CPSF3: variants seen among roughly 807,000 people sequenced by gnomAD.
CPSF3 encodes cleavage and polyadenylation specific factor 3.
Under a neutral mutation model 84.1 loss-of-function variants are expected in CPSF3, and 57 were observed. The observed-to-expected ratio is 0.68, with a 90% CI of 0.55 to 0.85. The LOEUF (loss-of-function observed/expected upper bound fraction) is 0.85. Among genes scored for constraint, CPSF3 ranks in the 40% least tolerant of loss-of-function variants. The probability of loss-of-function intolerance (pLI) is 0.00; values close to 1 mark genes in which losing one functional copy is unlikely to be tolerated. For synonymous variants in CPSF3, 275 were observed against 278.1 expected, an observed-to-expected ratio of 0.99 and a Z score of 0.11; for missense variants, 522 against 838.8, an observed-to-expected ratio of 0.62 and a Z score of 4.66.
chr2:9,431,585 A>G (rs1029361765), intron 4 of CPSF3, among the ~76,000 whole-genome samples: 6 of 119,602 alleles, frequency 5.0e-5, no homozygotes, highest in African/African-American at 2.1e-4. Flanking sequence ...TGTGCTGTTG[A>G]CCAGGCTGGA....
intron 15 of CPSF3, among the ~76,000 whole-genome samples, chr2:9,464,767 A>AT (rs1370959858): frequency 2.6e-5 from 4 of 151,604 alleles, no homozygotes; most frequent in Admixed American, 6.6e-5. Flanking sequence ...TAATTTTTCT[A>AT]TTTTTATAGA....
rs536203172 is a variant in CPSF3 at position 9,436,717 on chromosome 2, G to T, written c.760+356G>T. Among the ~76,000 whole-genome samples, 23 of 151,488 alleles carry T rather than the reference G, an allele frequency of 1.5e-4. No homozygotes were observed. In the East Asian group the frequency reaches 4.3e-3, roughly 28 times the overall value. The stretch of plus-strand genomic sequence containing the variant: ...ACCTGGGAGGTGGAGGTTGTAGTGA[G>T]CCGAGATTGCGCCACTGCACTCCAG... On this transcript the variant is annotated intron_variant, in intron 7 of 17. Transcript: ENST00000238112.
chr2:9,424,287 T>C, intron 1 of CPSF3: 1 of 979,202 alleles, frequency 1.0e-6, no homozygotes, highest in Non-Finnish European at 1.2e-6. Context: ...TGCCAGAAGT[T>C]AGAAAATATT....
At chr2:9,464,062 G>C (rs1349701197) in intron 15 of CPSF3, among the ~76,000 whole-genome samples, 1 of 149,956 alleles carries the variant, frequency 6.7e-6, no homozygotes. Context: ...ATTTGTATCT[G>C]TGGTGTATGT....
chr2:9,460,323 G>A (rs952169450), intron 15 of CPSF3, among the ~76,000 whole-genome samples: 1 of 152,208 alleles, frequency 6.6e-6, no homozygotes, highest in South Asian at 2.1e-4. Flanking sequence ...CAGCTACTCG[G>A]GAGGCTGAGG....
chr2:9,455,351 G>C (rs1335407818), intron 12 of CPSF3, among the ~76,000 whole-genome samples: 1 of 151,994 alleles, frequency 6.6e-6, no homozygotes, highest in Non-Finnish European at 1.5e-5. Flanking sequence ...GGCCAGGCTG[G>C]TCTTGAACTC....
At chr2:9,440,117 CCAT>C (rs1450456363) in intron 7 of CPSF3, among the ~76,000 whole-genome samples, 2 of 151,896 alleles carry the variant, frequency 1.3e-5, no homozygotes, top group Admixed American at 6.6e-5. Context: ...ATTTTTAAAA[CCAT>C]CACAGAATTT....
intron 4 of CPSF3, 32 bp from the exon 5 acceptor site, chr2:9,432,479 A>T (rs1419431881): frequency 7.8e-6 from 11 of 1,411,060 alleles, no homozygotes; most frequent in Non-Finnish European, 1.0e-5. Flanking sequence ...TCTGACTCTT[A>T]ATTGTTTTTG....
intron 1 of CPSF3, chr2:9,424,891 A>G (rs909015186): frequency 1.3e-5 from 2 of 152,250 alleles, no homozygotes; most frequent in African/African-American, 4.8e-5. Flanking sequence ...ACCAATTAGT[A>G]GGACAACAAT....
intron 15 of CPSF3, among the ~76,000 whole-genome samples, chr2:9,464,094 TAACC>T (rs1021063365): frequency 3.3e-5 from 5 of 152,154 alleles, no homozygotes; most frequent in African/African-American, 1.2e-4. Context: ...TGTGTGTGTC[TAACC>T]AACCACAATT....
intron 7 of CPSF3, among the ~76,000 whole-genome samples, chr2:9,436,774 A>AAAAAAAAAAATAAATAAT (rs139337028): frequency 1.4e-5 from 2 of 143,002 alleles, no homozygotes; most frequent in Admixed American, 7.0e-5. Flanking sequence ...CCATCTCAAA[A>AAAAAAAAAAATAAATAAT]AATAATAATA....
chr2:9,466,353 C>T (rs1211028976), intron 15 of CPSF3, among the ~76,000 whole-genome samples: 40 of 142,638 alleles, frequency 2.8e-4, no homozygotes, highest in African/African-American at 1.0e-3. Flanking sequence ...CGCGCGCGCG[C>T]ACACACACAC....
At position 9,429,912 on chromosome 2, in the gene CPSF3, GTTTC is replaced by G; in HGVS notation, c.115-6_115-3del. 6.4e-7 allele frequency: 1 copy of G among 1,563,680 alleles called. No individual in the cohort carries two copies. Among genetic ancestry groups the G allele is most frequent in the Non-Finnish European group, 8.7e-7 (1 of 1,148,816 alleles). On this transcript the variant is annotated splice_region_variant and splice_polypyrimidine_tract_variant and intron_variant, in intron 2 of 17. Transcript: ENST00000238112. ...GCAGGAGATTGTGATCTCTTTTCCT[GTTTC>G]TTTCAGCTCGACTGTGGGATCCACC...
rs1681938831 is a variant in CPSF3 at position 9,466,293 on chromosome 2, GACGCATGCAC to G, written c.1787-1408_1787-1399del. Among the ~76,000 whole-genome samples, 12 of 108,590 alleles carry G rather than the reference GACGCATGCAC, an allele frequency of 1.1e-4. No homozygotes were observed. The South Asian group carries it at 3.1e-3, about 28-fold the overall frequency. 71.2% of individuals were successfully genotyped at this position (108,590 alleles called of 152,430 possible). A position where few individuals can be genotyped will look rare whatever the true frequency, so the allele number is the denominator to read the frequency against. On this transcript the variant is annotated intron_variant, in intron 15 of 17. Transcript: ENST00000238112. The stretch of plus-strand genomic sequence containing the variant: ...ACGCACGCACACACGTGCGCACACA[GACGCATGCAC>G]ACGCACACTGACGCACGCACACAGA...
At chr2:9,466,412 A>C (rs369865920) in intron 15 of CPSF3, among the ~76,000 whole-genome samples, 1 of 146,436 alleles carries the variant, frequency 6.8e-6, no homozygotes, top group Non-Finnish European at 1.5e-5. Context: ...GCACGCGCAC[A>C]CACGCACACG....
chr2:9,471,522 A>C, intron 17 of CPSF3, 83 bp downstream of exon 17: 1 of 826,616 alleles, frequency 1.2e-6, no homozygotes, highest in Non-Finnish European at 2.1e-6. Context: ...CACACTCAAC[A>C]GTCTACTGTT....
At chr2:9,460,478 A>G (rs990530104) in intron 15 of CPSF3, among the ~76,000 whole-genome samples, 2 of 152,132 alleles carry the variant, frequency 1.3e-5, no homozygotes, top group Non-Finnish European at 2.9e-5. Flanking sequence ...AGAAATTTCA[A>G]AATATTGATG....
In CPSF3 at chr2:9,423,701, G is replaced by A. The variant is rs1680201159; in HGVS notation, c.-73G>A. 6.4e-7 allele frequency: 1 copy of A among 1,570,012 alleles called. No individual in the cohort carries two copies. The highest frequency in any genetic ancestry group is 1.8e-5 in the Admixed American group (1 of 54,666). On this transcript the variant is annotated 5_prime_UTR_variant, in exon 1 of 18. The change creates a new upstream start codon in the 5' untranslated region. Coordinates refer to ENST00000238112, the MANE Select transcript of CPSF3 (RefSeq NM_016207.4). ...GGGGTTCTTCCTTTTTTATTTACCGGTGGCTGTGCTTCCAATTTAGGAAGA... is the reference window on the plus strand; with the variant it reads ...GGGGTTCTTCCTTTTTTATTTACCGATGGCTGTGCTTCCAATTTAGGAAGA...
intron 16 of CPSF3, among the ~76,000 whole-genome samples, chr2:9,469,819 ATAGGAG>A (rs1366739311): frequency 6.6e-6 from 1 of 152,220 alleles, no homozygotes. Context: ...TTAGGATTAG[ATAGGAG>A]TAGATGTATT....
Sources: gnomAD v4.1 joint callset for allele counts (sites outside exome capture counted in the v4.1 genomes callset) on GRCh38, gnomAD v4.1.1 for gene constraint, MANE v1.5 for transcripts, NCBI Gene and HGNC (gene_info 2026-07-23, HGNC 2026-07-21) for gene names.